Variants in GDA observed in about 807,000 individuals in gnomAD.
GDA encodes guanine deaminase, also known as cytoplasmic PSD-95 interactor.
Under a neutral mutation model 59.6 loss-of-function variants are expected in GDA, and 18 were observed. The observed-to-expected ratio is 0.30, with a 90% confidence interval of 0.21 to 0.45. The LOEUF (loss-of-function observed/expected upper bound fraction) is 0.45. GDA is among the 20% of genes least tolerant of loss of function. GDA has a pLI of 1.00. For missense variants in GDA, 427 were observed against 552.3 expected (o/e 0.77, Z 2.27); for synonymous variants, 201 against 201.1 (o/e 1.00, Z 0.00).
intron 5 of GDA, among the ~76,000 whole-genome samples, chr9:72,216,636 A>G (rs559438761): frequency 6.6e-6 from 1 of 152,262 alleles, no homozygotes; most frequent in South Asian, 2.1e-4. Context: ...ATTCATGGAG[A>G]CAGAACACCA....
At chr9:72,140,640 ATAT>A (rs1826409509) in intron 1 of GDA, among the ~76,000 whole-genome samples, 1 of 152,220 alleles carries the variant, frequency 6.6e-6, no homozygotes, top group Admixed American at 6.5e-5. Flanking sequence ...TGATGTTGTC[ATAT>A]TATGTGTTCC....
At chr9:72,256,574 A>C (rs942787063), downstream of GDA, among the ~76,000 whole-genome samples, 2 of 152,226 alleles carry the variant, frequency 1.3e-5, no homozygotes, top group Non-Finnish European at 2.9e-5. Flanking sequence ...TTTATTTTCC[A>C]TGTGAAAACT....
At chr9:72,145,423 C>T (rs1484170145), upstream of GDA, among the ~76,000 whole-genome samples, 1 of 152,158 alleles carries the variant, frequency 6.6e-6, no homozygotes, top group Non-Finnish European at 1.5e-5. Flanking sequence ...CCCCAGTTTC[C>T]CCATCTGTGG....
intron 6 of GDA, among the ~76,000 whole-genome samples, chr9:72,221,331 T>G (rs10869149): frequency 1.3e-5 from 2 of 151,990 alleles, no homozygotes; most frequent in African/African-American, 4.8e-5. Context: ...CTTAATGTGG[T>G]GGCAGAGGAG....
intron 1 of GDA, among the ~76,000 whole-genome samples, chr9:72,175,992 A>G (rs968183548): frequency 2.6e-5 from 4 of 152,208 alleles, no homozygotes; most frequent in Admixed American, 1.3e-4. Context: ...TAGGGGCTTG[A>G]AACAACAATA....
chr9:72,140,693 A>G (rs1475226359), intron 1 of GDA, among the ~76,000 whole-genome samples: 1 of 152,168 alleles, frequency 6.6e-6, no homozygotes, highest in Non-Finnish European at 1.5e-5. Context: ...AAGTATAGCA[A>G]AATGTCCCAT....
chr9:72,173,782 T>C lies in GDA; in HGVS notation c.124-21718T>C, dbSNP rs75260702. On this transcript the variant is annotated intron_variant, in intron 1 of 13. Coordinates refer to ENST00000358399, the MANE Select transcript of GDA (RefSeq NM_004293.5). ...AACATTCACAGATCCCTGACTTTTA[T>C]AGTTCTGTTCTTTTGTCCTCATTTT... Among the ~76,000 whole-genome samples the C allele has an allele frequency of 7.1e-3, 1,078 of 152,332 alleles. 7 individuals carry two copies. The highest frequency in any genetic ancestry group is 0.012 in the Non-Finnish European group (789 of 68,032).
At chr9:72,244,626 GATATGCCTGCATT>G (rs1222953050) in intron 11 of GDA, among the ~76,000 whole-genome samples, 1 of 152,096 alleles carries the variant, frequency 6.6e-6, no homozygotes, top group Non-Finnish European at 1.5e-5. Context: ...ATTTCTGATG[GATATGCCTGCATT>G]GACAAATATG....
rs767097248 is a variant in GDA, at chr9:72,250,776, C to T, written c.*2434C>T. 9 of 1,609,978 alleles carry T rather than the reference C, an allele frequency of 5.6e-6. No individual in the cohort carries two copies. In the East Asian group the frequency reaches 2.0e-4, roughly 36 times the overall value. ...AAAGAAACAATTCACTTACCAGCCT[C>T]CTCACCCCATCCTCCACCATTTCCT... On this transcript the variant is annotated 3_prime_UTR_variant, in exon 14 of 14. Transcript: ENST00000358399.
At chr9:72,164,610 A>G (rs1829055088) in intron 1 of GDA, among the ~76,000 whole-genome samples, 1 of 152,148 alleles carries the variant, frequency 6.6e-6, no homozygotes, top group Non-Finnish European at 1.5e-5. Context: ...TAAATAAGTT[A>G]CATACCTGTT....
chr9:72,142,307 C>A (rs556275312), intron 1 of GDA, among the ~76,000 whole-genome samples: 1 of 152,100 alleles, frequency 6.6e-6, no homozygotes, highest in East Asian at 1.9e-4. Flanking sequence ...GGAAATGAAT[C>A]CTTGGGAATA....
intron 1 of GDA, among the ~76,000 whole-genome samples, chr9:72,185,980 T>G (rs1379612443): frequency 6.6e-6 from 1 of 152,164 alleles, no homozygotes; most frequent in Non-Finnish European, 1.5e-5. Context: ...GCTGGGACCA[T>G]GACTTTATTA....
At chr9:72,202,920 G>C (rs1015281861) in intron 3 of GDA, among the ~76,000 whole-genome samples, 178 bp downstream of exon 3, 6 of 152,224 alleles carry the variant, frequency 3.9e-5, no homozygotes, top group Non-Finnish European at 8.8e-5. Context: ...TACACAGCTA[G>C]TCAGTGGCAA....
intron 10 of GDA, 104 bp from the exon 11 acceptor site, chr9:72,241,048 A>G (rs545179164): frequency 2.8e-6 from 2 of 719,814 alleles, no homozygotes; most frequent in African/African-American, 3.5e-5. Context: ...TTTTAAAAAA[A>G]GTATATTAAG....
exon 1 of GDA, chr9:72,114,703 T>G (rs1825375832): frequency 6.6e-6 from 1 of 152,092 alleles, no homozygotes; most frequent in Non-Finnish European, 1.5e-5. Flanking sequence ...AAATCCAGGC[T>G]TAGGGGTACA....
chr9:72,244,004 T>C (rs1839892903), intron 11 of GDA, among the ~76,000 whole-genome samples: 1 of 151,928 alleles, frequency 6.6e-6, no homozygotes, highest in African/African-American at 2.4e-5. Context: ...TGAAACCCCA[T>C]CTCTACTAAA....
chr9:72,212,407 A>C (rs955497250), intron 4 of GDA, among the ~76,000 whole-genome samples: 3 of 151,890 alleles, frequency 2.0e-5, no homozygotes, highest in African/African-American at 4.8e-5. Flanking sequence ...ACGTGAACCC[A>C]GGAGGCAGAG....
At chr9:72,116,696 T>C (rs897944871) in intron 1 of GDA, among the ~76,000 whole-genome samples, 1 of 152,178 alleles carries the variant, frequency 6.6e-6, no homozygotes, top group Non-Finnish European at 1.5e-5. Context: ...CCCCAGGTTT[T>C]CTATCCTCAA....
intron 1 of GDA, among the ~76,000 whole-genome samples, chr9:72,144,019 C>T (rs916941967): frequency 1.3e-5 from 2 of 152,090 alleles, no homozygotes; most frequent in South Asian, 2.1e-4. Flanking sequence ...GCCAGAAGTT[C>T]GAGACCAGCC....
Sources: allele counts gnomAD v4.1 joint callset (sites outside exome capture counted in the v4.1 genomes callset), GRCh38; gene constraint gnomAD v4.1.1; transcripts MANE v1.5; gene names NCBI Gene and HGNC (gene_info 2026-07-23, HGNC 2026-07-21).